ZNF787: variants seen among roughly 807,000 people sequenced by gnomAD.
ZNF787 encodes the protein TTF-I-interacting peptide 20.
Under a neutral mutation model 16.9 loss-of-function variants are expected in ZNF787, and 7 were observed. The ratio of observed to expected loss-of-function variants is 0.42; its 90% confidence interval spans 0.24 to 0.78. The LOEUF is 0.78. ZNF787 is among the 30% of genes least tolerant of loss of function. ZNF787 has a pLI of 0.30. For missense variants in ZNF787, 551 were observed against 589.3 expected (o/e 0.94, Z 0.67); for synonymous variants, 345 against 270.9 (o/e 1.27, Z -2.69).
intron 2 of ZNF787, among the ~76,000 whole-genome samples, chr19:56,100,299 G>A (rs1016709757): frequency 1.2e-5 from 1 of 82,454 alleles, no homozygotes; most frequent in African/African-American, 4.3e-5. Context: ...CAGGGCTGGG[G>A]TTGGCAAGTG....
Position 56,115,597 on chromosome 19 carries a change from G to A in ZNF787, c.-11+5575C>T, listed in dbSNP as rs116221207. Among the ~76,000 whole-genome samples the A allele has an allele frequency of 5.3e-3, 807 of 152,022 alleles. 7 individuals carry two copies. The highest frequency in any genetic ancestry group is 0.018 in the African/African-American group (758 of 41,452). On this transcript the variant is annotated intron_variant, in intron 1 of 2. Transcript: ENST00000610935. Reference sequence around the variant, plus strand: ...ATGGTCGCTGCTCTATTCTTTTCCAGCCACTTCACACCTGGACTCGCGCAG... The same window carrying A: ...ATGGTCGCTGCTCTATTCTTTTCCAACCACTTCACACCTGGACTCGCGCAG...
At chr19:56,097,251 C>A (rs1958595660) in intron 2 of ZNF787, among the ~76,000 whole-genome samples, 1 of 152,220 alleles carries the variant, frequency 6.6e-6, no homozygotes, top group Non-Finnish European at 1.5e-5. Flanking sequence ...AAGTGCCGGC[C>A]ATTATTCCTA....
At chr19:56,115,244 AC>A (rs1354934826) in intron 1 of ZNF787, among the ~76,000 whole-genome samples, 1 of 151,908 alleles carries the variant, frequency 6.6e-6, no homozygotes, top group African/African-American at 2.4e-5. Context: ...CTCCTAGAGC[AC>A]AGCCTGCACG....
In ZNF787 at chr19:56,087,952, C is replaced by G. The variant is rs903978734; in HGVS notation, c.*71G>C. The G allele has an allele frequency of 9.3e-6, 12 of 1,295,712 alleles. No individual in the cohort carries two copies. Among genetic ancestry groups the G allele is most frequent in the Non-Finnish European group, 1.2e-5 (12 of 1,023,148 alleles). 80.3% of individuals were successfully genotyped at this position (1,295,712 alleles called of 1,614,324 possible). ...ACCCCGTCCGCTTCTCCCTGGGTCTCTTGGTCTTGCACGTCGTCGCTCCCG... is the reference window on the plus strand; with the variant it reads ...ACCCCGTCCGCTTCTCCCTGGGTCTGTTGGTCTTGCACGTCGTCGCTCCCG... On this transcript the variant is annotated 3_prime_UTR_variant, in exon 3 of 3. Coordinates refer to ENST00000610935, the MANE Select transcript of ZNF787 (RefSeq NM_001002836.4).
intron 1 of ZNF787, among the ~76,000 whole-genome samples, chr19:56,109,227 C>A (rs1325433173): frequency 6.6e-6 from 1 of 152,198 alleles, no homozygotes; most frequent in Non-Finnish European, 1.5e-5. Flanking sequence ...GGCTACGTAT[C>A]GGAACTGGTA....
Position 56,087,894 on chromosome 19 carries a change from G to A in ZNF787, c.*129C>T. On this transcript the variant is annotated 3_prime_UTR_variant, in exon 3 of 3. Coordinates refer to ENST00000610935, the MANE Select transcript of ZNF787 (RefSeq NM_001002836.4). ...ACGGACGGCGCAGGGACAGAGGAGG[G>A]CGGGGAGCCGGGGATGCCGCGGGGT... 1 of 1,267,218 alleles carries A rather than the reference G, an allele frequency of 7.9e-7. No homozygotes were observed. The highest frequency in any genetic ancestry group is 1.0e-6 in the Non-Finnish European group (1 of 1,004,288). The allele number at this position is 1,267,218 out of a possible 1,614,324, so 78.5% of individuals were successfully genotyped here. A position where few individuals can be genotyped will look rare whatever the true frequency, so the allele number is the denominator to read the frequency against.
chr19:56,105,859 C>T (rs1173126045), intron 1 of ZNF787, among the ~76,000 whole-genome samples: 2 of 152,094 alleles, frequency 1.3e-5, no homozygotes, highest in Middle Eastern at 3.4e-3. Flanking sequence ...AGCCCGCGCG[C>T]CCACGGCAGT....
At chr19:56,112,264 G>A (rs971963530) in intron 1 of ZNF787, among the ~76,000 whole-genome samples, 10 of 152,100 alleles carry the variant, frequency 6.6e-5, no homozygotes, top group Non-Finnish European at 1.2e-4. Context: ...AGAAAGCTGG[G>A]AATTGCACAT....
chr19:56,116,217 G>A (rs1222445012), intron 1 of ZNF787, among the ~76,000 whole-genome samples: 2 of 152,044 alleles, frequency 1.3e-5, no homozygotes, highest in East Asian at 1.9e-4. Context: ...CGAGGTGGGC[G>A]GATCACAGGG....
At chr19:56,119,020 C>T (rs930475959) in intron 1 of ZNF787, among the ~76,000 whole-genome samples, 7 of 152,176 alleles carry the variant, frequency 4.6e-5, no homozygotes, top group Non-Finnish European at 8.8e-5. Flanking sequence ...TCAGAGCTCC[C>T]GGGAGCACTC....
rs1985363687 is a variant in ZNF787, at chr19:56,087,927, ACCCCGTCCGCTTCTCC to A, written c.*80_*95del. On this transcript the variant is annotated 3_prime_UTR_variant, in exon 3 of 3. Coordinates refer to ENST00000610935, the MANE Select transcript of ZNF787 (RefSeq NM_001002836.4). Reference sequence around the variant, plus strand: ...CCGGGGATGCCGCGGGGTCCATCGCACCCCGTCCGCTTCTCCCTGGGTCTCTTGGTCTTGCACGTCG... The same window carrying A: ...CCGGGGATGCCGCGGGGTCCATCGCACTGGGTCTCTTGGTCTTGCACGTCG... 2 of 1,283,030 alleles carry A rather than the reference ACCCCGTCCGCTTCTCC, an allele frequency of 1.6e-6. No individual in the cohort carries two copies. The highest frequency in any genetic ancestry group is 2.0e-6 in the Non-Finnish European group (2 of 1,016,982). 79.5% of individuals were successfully genotyped at this position (1,283,030 alleles called of 1,614,324 possible).
Position 56,107,927 on chromosome 19 carries a change from G to A in ZNF787, c.-10-4700C>T, listed in dbSNP as rs986547635. Among the ~76,000 whole-genome samples the A allele has an allele frequency of 3.9e-5, 6 of 152,142 alleles. No individual in the cohort carries two copies. The East Asian group carries it at 9.6e-4, about 24-fold the overall frequency. On this transcript the variant is annotated intron_variant, in intron 1 of 2. Coordinates refer to ENST00000610935, the MANE Select transcript of ZNF787 (RefSeq NM_001002836.4). The stretch of plus-strand genomic sequence containing the variant: ...CTGGGGGCTGCGGGAGGGGCTGCAG[G>A]TGTGTGGGGCAGTACCTGCCGGGAG...
In ZNF787 at chr19:56,100,009, C is replaced by G. The variant is rs550249961; in HGVS notation, c.79+3130G>C. On this transcript the variant is annotated intron_variant, in intron 2 of 2. Coordinates refer to ENST00000610935, the MANE Select transcript of ZNF787 (RefSeq NM_001002836.4). Reference sequence around the variant, plus strand: ...GACAGAGGTCGCAGGAAGGCCAGTGCGCCGTGACTGTGTGTAAGGCCACAG... The same window carrying G: ...GACAGAGGTCGCAGGAAGGCCAGTGGGCCGTGACTGTGTGTAAGGCCACAG... Among the ~76,000 whole-genome samples, 4 of 152,160 alleles carry G rather than the reference C, an allele frequency of 2.6e-5. No individual in the cohort carries two copies. In the South Asian group the frequency reaches 8.3e-4, roughly 32 times the overall value.
At chr19:56,097,982 C>T (rs545991194) in intron 2 of ZNF787, among the ~76,000 whole-genome samples, 2 of 152,136 alleles carry the variant, frequency 1.3e-5, no homozygotes, top group African/African-American at 2.4e-5. Flanking sequence ...TGCTGAAGCC[C>T]GGCCTGCTAA....
At chr19:56,090,744 C>T (rs996650656) in intron 2 of ZNF787, among the ~76,000 whole-genome samples, 8 of 152,198 alleles carry the variant, frequency 5.3e-5, no homozygotes, top group African/African-American at 1.7e-4. Context: ...ATGACTTGAA[C>T]CCGGGAGGCA....
chr19:56,094,080 G>A lies in ZNF787; in HGVS notation c.80-4988C>T, dbSNP rs78083270. ...ACTTTGTCACCCAGGCTGGAGTGCA[G>A]TGACATGATCTCGGCTCACTGCAAC... On this transcript the variant is annotated intron_variant, in intron 2 of 2. Transcript: ENST00000610935. Among the ~76,000 whole-genome samples, 400 of 152,056 alleles carry A rather than the reference G, an allele frequency of 2.6e-3. 5 individuals carry two copies. Among genetic ancestry groups the A allele is most frequent in the South Asian group, 2.9e-3 (14 of 4,816 alleles).
intron 2 of ZNF787, among the ~76,000 whole-genome samples, chr19:56,096,116 G>T (rs1264019846): frequency 6.6e-6 from 1 of 152,026 alleles, no homozygotes; most frequent in Non-Finnish European, 1.5e-5. Flanking sequence ...TCATCTGGCC[G>T]GGCACGGTGG....
At chr19:56,089,427 G>A (rs988681988) in intron 2 of ZNF787, among the ~76,000 whole-genome samples, 2 of 152,092 alleles carry the variant, frequency 1.3e-5, no homozygotes, top group African/African-American at 2.4e-5. Context: ...AAAGGACCCC[G>A]AAACCCAAAA....
chr19:56,119,473 G>A (rs2030226372), intron 1 of ZNF787, among the ~76,000 whole-genome samples: 1 of 152,222 alleles, frequency 6.6e-6, no homozygotes, highest in Non-Finnish European at 1.5e-5. Context: ...CATCTGTTGA[G>A]GTCTGCTCTG....
Sources: gnomAD v4.1 joint callset for allele counts (sites outside exome capture counted in the v4.1 genomes callset) on GRCh38, gnomAD v4.1.1 for gene constraint, MANE v1.5 for transcripts, NCBI Gene and HGNC (gene_info 2026-07-23, HGNC 2026-07-21) for gene names.